Variants in CPQ observed in about 807,000 individuals in gnomAD.
CPQ encodes carboxypeptidase Q.
Under a neutral mutation model 45.7 loss-of-function variants are expected in CPQ, and 37 were observed. The observed-to-expected ratio is 0.81, with a 90% CI of 0.62 to 1.07. CPQ has a LOEUF of 1.07. CPQ is among the 50% of genes least tolerant of loss of function. The pLI, the probability that CPQ is intolerant of heterozygous loss-of-function variation, is 0.00. For missense variants in CPQ, 537 were observed against 572.9 expected (o/e 0.94, Z 0.64); for synonymous variants, 186 against 205.8 (o/e 0.90, Z 0.82).
intron 7 of CPQ, among the ~76,000 whole-genome samples, chr8:97,123,003 A>AAAATTAAATTAAAT: frequency 4.1e-5 from 1 of 24,548 alleles, no homozygotes. Flanking sequence ...AAAATAAAAT[A>AAAATTAAATTAAAT]TAAAATAAAA....
At chr8:96,681,254 G>A (rs1809146754) in intron 1 of CPQ, among the ~76,000 whole-genome samples, 1 of 152,178 alleles carries the variant, frequency 6.6e-6, no homozygotes, top group Admixed American at 6.5e-5. Context: ...CCCATCACAG[G>A]ACCAGAGGCC....
intron 1 of CPQ, among the ~76,000 whole-genome samples, chr8:96,651,841 G>A (rs1288946338): frequency 6.6e-6 from 1 of 151,738 alleles, no homozygotes; most frequent in Non-Finnish European, 1.5e-5. Context: ...ACTGTAAATT[G>A]GCAAATTATG....
At chr8:97,127,592 G>A (rs941620339) in intron 7 of CPQ, among the ~76,000 whole-genome samples, 3 of 152,132 alleles carry the variant, frequency 2.0e-5, no homozygotes, top group African/African-American at 7.2e-5. Context: ...AGGAGGCTGA[G>A]GCACGGGAAT....
chr8:96,680,286 A>AT (rs1809131946), intron 1 of CPQ, among the ~76,000 whole-genome samples: 2 of 152,056 alleles, frequency 1.3e-5, no homozygotes, highest in Admixed American at 1.3e-4. Flanking sequence ...CCCAACTGAT[A>AT]TGGTTTGGCT....
chr8:97,051,322 A>C (rs1326275523), intron 6 of CPQ, among the ~76,000 whole-genome samples: 1 of 152,222 alleles, frequency 6.6e-6, no homozygotes, highest in Non-Finnish European at 1.5e-5. Context: ...TAGTTACCAA[A>C]AATTTTAAGC....
intron 5 of CPQ, among the ~76,000 whole-genome samples, chr8:96,974,319 A>G (rs942349460): frequency 6.6e-6 from 1 of 152,220 alleles, no homozygotes; most frequent in Admixed American, 6.5e-5. Flanking sequence ...ACAGGAAAAT[A>G]TCACAATTCT....
At chr8:96,972,278 A>G (rs1289354196) in intron 5 of CPQ, among the ~76,000 whole-genome samples, 3 of 152,154 alleles carry the variant, frequency 2.0e-5, no homozygotes, top group Non-Finnish European at 2.9e-5. Flanking sequence ...CAGTAGAGAC[A>G]GCCATAATCC....
At chr8:96,881,691 C>A (rs142756602) in intron 4 of CPQ, among the ~76,000 whole-genome samples, 1 of 152,296 alleles carries the variant, frequency 6.6e-6, no homozygotes, top group African/African-American at 2.4e-5. Context: ...TTAAACCAAG[C>A]TTTAAACCAC....
At chr8:96,843,008 C>T (rs1012965930) in intron 3 of CPQ, among the ~76,000 whole-genome samples, 25 of 152,128 alleles carry the variant, frequency 1.6e-4, no homozygotes, top group Non-Finnish European at 3.2e-4. Context: ...CGGGTTCAAG[C>T]GATTCTCCGG....
At chr8:96,786,066 A>G (rs1011225646) in intron 2 of CPQ, among the ~76,000 whole-genome samples, 5 of 152,188 alleles carry the variant, frequency 3.3e-5, no homozygotes, top group African/African-American at 1.2e-4. Flanking sequence ...TGCATTTAGA[A>G]TGTACAAGCG....
chr8:96,675,819 A>G (rs552084506), intron 1 of CPQ, among the ~76,000 whole-genome samples: 2 of 151,990 alleles, frequency 1.3e-5, no homozygotes, highest in South Asian at 4.1e-4. Flanking sequence ...TGTATTTTCT[A>G]TGAACTGTTT....
In CPQ at chr8:97,143,328, G is replaced by A. The variant is rs755508771; in HGVS notation, c.*145G>A. 195 of 750,514 alleles carry A rather than the reference G, an allele frequency of 2.6e-4. 1 individual carries two copies. The highest frequency in any genetic ancestry group is 3.4e-4 in the Non-Finnish European group (164 of 479,874). The allele number at this position is 750,514 out of a possible 1,614,324, so 46.5% of individuals were successfully genotyped here. On this transcript the variant is annotated 3_prime_UTR_variant, in exon 8 of 8. Transcript: ENST00000220763. ...CATGCTTTCTGTTATTATCTTTCTTGATACTTTCCAAATTCTCTGATTCTA... is the reference window on the plus strand; with the variant it reads ...CATGCTTTCTGTTATTATCTTTCTTAATACTTTCCAAATTCTCTGATTCTA...
chr8:96,990,704 T>C (rs1198891677), intron 5 of CPQ, among the ~76,000 whole-genome samples: 1 of 152,206 alleles, frequency 6.6e-6, no homozygotes, highest in African/African-American at 2.4e-5. Flanking sequence ...TTACCAATAT[T>C]ATAGTTTTGA....
intron 4 of CPQ, among the ~76,000 whole-genome samples, chr8:96,934,882 C>T (rs1402943369): frequency 6.6e-6 from 1 of 152,162 alleles, no homozygotes; most frequent in African/African-American, 2.4e-5. Flanking sequence ...GGAACAGAGA[C>T]AGATCATCAC....
chr8:96,652,197 C>T (rs982298899), intron 1 of CPQ, among the ~76,000 whole-genome samples: 3 of 152,184 alleles, frequency 2.0e-5, no homozygotes, highest in African/African-American at 7.2e-5. Flanking sequence ...TTAGATTCCA[C>T]GTAGAAGTGA....
At chr8:96,749,513 A>G (rs1810231988) in intron 1 of CPQ, among the ~76,000 whole-genome samples, 1 of 152,198 alleles carries the variant, frequency 6.6e-6, no homozygotes, top group Non-Finnish European at 1.5e-5. Flanking sequence ...CGTGCTCTGA[A>G]ATCATTTGTC....
intron 2 of CPQ, among the ~76,000 whole-genome samples, chr8:96,788,350 C>G (rs1810802244): frequency 6.6e-6 from 1 of 151,666 alleles, no homozygotes; most frequent in South Asian, 2.1e-4. Context: ...AGTAGAGATG[C>G]AGTTTCACCA....
chr8:96,707,312 A>T (rs1809542874), intron 1 of CPQ, among the ~76,000 whole-genome samples: 1 of 152,132 alleles, frequency 6.6e-6, no homozygotes, highest in Admixed American at 6.6e-5. Flanking sequence ...ACTGAAATTT[A>T]ATTTTAATTT....
chr8:96,914,154 T>A (rs980720753), intron 4 of CPQ, among the ~76,000 whole-genome samples: 3 of 152,192 alleles, frequency 2.0e-5, no homozygotes, highest in African/African-American at 7.2e-5. Flanking sequence ...ATCAGACAAC[T>A]TCACCTGTCT....
Sources: gnomAD v4.1 joint callset for allele counts (sites outside exome capture counted in the v4.1 genomes callset) on GRCh38, gnomAD v4.1.1 for gene constraint, MANE v1.5 for transcripts, NCBI Gene and HGNC (gene_info 2026-07-23, HGNC 2026-07-21) for gene names.